SLC2A9: variants seen among roughly 807,000 people sequenced by gnomAD.
The protein encoded by SLC2A9 is solute carrier family 2 member 9.
A neutral mutation model predicts 50.6 loss-of-function variants in SLC2A9; 39 were observed. The ratio of observed to expected loss-of-function variants is 0.77; its 90% confidence interval spans 0.60 to 1.01. SLC2A9 has a LOEUF of 1.01. Among genes scored for constraint, SLC2A9 ranks in the 50% least tolerant of loss-of-function variants. SLC2A9 has a pLI of 0.00. For synonymous variants in SLC2A9, 324 were observed against 276.9 expected (o/e 1.17, Z -1.69); for missense variants, 686 against 677.6 (o/e 1.01, Z -0.14).
chr4:9,938,817 G>C (rs990350679), intron 6 of SLC2A9, among the ~76,000 whole-genome samples: 1 of 152,180 alleles, frequency 6.6e-6, no homozygotes, highest in South Asian at 2.1e-4. Flanking sequence ...GTGTATTGCA[G>C]GCACTGGAGG....
intron 10 of SLC2A9, among the ~76,000 whole-genome samples, chr4:9,841,189 C>G (rs545323441): frequency 6.6e-6 from 1 of 152,288 alleles, no homozygotes; most frequent in African/African-American, 2.4e-5. Flanking sequence ...TCATTTACTT[C>G]TTATGTTATA....
In SLC2A9 at chr4:9,808,006, G is replaced by T. The variant is rs138117619; in HGVS notation, n.421-8765C>A. Among the ~76,000 whole-genome samples, 436 of 152,308 alleles carry T rather than the reference G, an allele frequency of 2.9e-3. 5 individuals carry two copies. The highest frequency in any genetic ancestry group is 0.01 in the African/African-American group (417 of 41,554). On this transcript the variant is annotated intron_variant and non_coding_transcript_variant, in intron 3 of 3. Coordinates refer to the SLC2A9 transcript ENST00000503280. Reference sequence around the variant, plus strand: ...TGTCTTGCCACCTTGCAGCTGGATTGGCTCTAAGTCATGATGGAGCCCATA... The same window carrying T: ...TGTCTTGCCACCTTGCAGCTGGATTTGCTCTAAGTCATGATGGAGCCCATA...
intron 3 of SLC2A9, among the ~76,000 whole-genome samples, chr4:9,804,587 C>T (rs570624512): frequency 1.3e-5 from 2 of 152,312 alleles, no homozygotes; most frequent in Admixed American, 6.5e-5. Context: ...TACTGTGATG[C>T]TGCTCCCCTC....
intron 4 of SLC2A9, among the ~76,000 whole-genome samples, chr4:9,984,410 A>ATG (rs796948137): frequency 1.3e-5 from 2 of 152,030 alleles, no homozygotes; most frequent in Non-Finnish European, 2.9e-5. Context: ...ATATGTGTAT[A>ATG]TGTGTGTGTG....
At chr4:9,786,119 A>T (rs1719188900) in intron 3 of SLC2A9, among the ~76,000 whole-genome samples, 1 of 151,952 alleles carries the variant, frequency 6.6e-6, no homozygotes, top group South Asian at 2.1e-4. Flanking sequence ...GCGTCATAGG[A>T]TTAATGTTAA....
intron 10 of SLC2A9, among the ~76,000 whole-genome samples, chr4:9,874,096 C>T (rs1392062642): frequency 1.3e-5 from 2 of 152,150 alleles, no homozygotes; most frequent in Non-Finnish European, 2.9e-5. Context: ...CCCTGAGGCC[C>T]TTTTACTCCA....
chr4:9,982,521 A>G (rs1312537895), intron 4 of SLC2A9, among the ~76,000 whole-genome samples: 1 of 152,212 alleles, frequency 6.6e-6, no homozygotes, highest in Non-Finnish European at 1.5e-5. Flanking sequence ...ATTTTTAGTT[A>G]AGGAAATTCA....
At chr4:9,924,299 C>T (rs1744497392) in intron 6 of SLC2A9, among the ~76,000 whole-genome samples, 1 of 152,202 alleles carries the variant, frequency 6.6e-6, no homozygotes, top group Non-Finnish European at 1.5e-5. Flanking sequence ...ACACCCAGCA[C>T]CCGTGCCTCT....
At chr4:9,772,618 C>T (rs1284956094) in intron 1 of SLC2A9, among the ~76,000 whole-genome samples, 9 of 152,164 alleles carry the variant, frequency 5.9e-5, no homozygotes, top group Admixed American at 5.9e-4. Flanking sequence ...CAGTCTGAGG[C>T]AAGGCTTCCC....
intron 3 of SLC2A9, chr4:9,782,108 G>A (rs747489876): frequency 2.6e-6 from 4 of 1,546,514 alleles, no homozygotes; most frequent in Non-Finnish European, 3.5e-6. Context: ...GGGGAACGCC[G>A]TGGGGGGCTC....
chr4:9,906,094 CCA>C (rs1282225746), intron 8 of SLC2A9, among the ~76,000 whole-genome samples: 3 of 152,210 alleles, frequency 2.0e-5, no homozygotes, highest in Non-Finnish European at 4.4e-5. Context: ...CATTTGCCAG[CCA>C]CTGCTGGAAT....
intron 9 of SLC2A9, among the ~76,000 whole-genome samples, 169 bp from the exon 10 acceptor site, chr4:9,887,811 G>A (rs143330986): frequency 4.6e-5 from 7 of 152,172 alleles, no homozygotes; most frequent in African/African-American, 7.2e-5. Context: ...ATAACCCTTC[G>A]GTCACTCCAT....
At chr4:9,846,364 C>G (rs1487745340) in intron 10 of SLC2A9, among the ~76,000 whole-genome samples, 3 of 152,186 alleles carry the variant, frequency 2.0e-5, no homozygotes, top group Non-Finnish European at 4.4e-5. Flanking sequence ...CCAGGTCTGT[C>G]CTCTCATTTC....
chr4:9,774,050 A>T (rs1345854623), intron 1 of SLC2A9, among the ~76,000 whole-genome samples: 1 of 145,304 alleles, frequency 6.9e-6, no homozygotes, highest in Non-Finnish European at 1.5e-5. Flanking sequence ...GCTGGAGTGC[A>T]GTGGTGCGAT....
intron 10 of SLC2A9, among the ~76,000 whole-genome samples, chr4:9,840,186 C>A (rs1577472594): frequency 6.6e-6 from 1 of 152,116 alleles, no homozygotes; most frequent in Non-Finnish European, 1.5e-5. Flanking sequence ...CTCCCTTGGG[C>A]CCCAAGCAAG....
Position 9,852,285 on chromosome 4 carries a change from G to T in SLC2A9, c.1292-17277C>A, listed in dbSNP as rs367796654. Among the ~76,000 whole-genome samples, 6 of 148,336 alleles carry T rather than the reference G, an allele frequency of 4.0e-5. No individual in the cohort carries two copies. The East Asian group carries it at 7.9e-4, about 19-fold the overall frequency. On this transcript the variant is annotated intron_variant, in intron 10 of 11. Transcript: ENST00000264784. Reference sequence around the variant, plus strand: ...TTTTGAGACGGAGTCTCGCTCTGTCGCCCAGGCCGGACTGCGGACTGCAGT... The same window carrying T: ...TTTTGAGACGGAGTCTCGCTCTGTCTCCCAGGCCGGACTGCGGACTGCAGT...
chr4:9,891,849 A>T (rs1737509941), intron 8 of SLC2A9, among the ~76,000 whole-genome samples: 1 of 152,218 alleles, frequency 6.6e-6, no homozygotes, highest in African/African-American at 2.4e-5. Flanking sequence ...CCATCACGAC[A>T]GTCATTTGGC....
intron 6 of SLC2A9, among the ~76,000 whole-genome samples, chr4:9,933,170 A>C (rs1022381213): frequency 2.0e-5 from 3 of 152,230 alleles, no homozygotes; most frequent in Non-Finnish European, 4.4e-5. Flanking sequence ...CCCAAAAAGG[A>C]GGACAAAGTT....
rs769898539 is a variant in SLC2A9, at chr4:9,782,592, G to T, written n.386-2527C>A. ...TGGCACAGGGACCAGGCGGCCTCTT[G>T]GGGCGGGCTGGACCTGCCAAACAAC... is the stretch of plus-strand genomic sequence containing the variant. On this transcript the variant is annotated intron_variant and non_coding_transcript_variant, in intron 3 of 3. Coordinates refer to the SLC2A9 transcript ENST00000503803. 3.1e-6 allele frequency: 5 copies of T among 1,613,812 alleles called. No homozygotes were observed. The African/African-American group carries it at 6.7e-5, about 22-fold the overall frequency.
Sources: gnomAD v4.1 joint callset for allele counts (sites outside exome capture counted in the v4.1 genomes callset) on GRCh38, gnomAD v4.1.1 for gene constraint, MANE v1.5 for transcripts, NCBI Gene and HGNC (gene_info 2026-07-23, HGNC 2026-07-21) for gene names.